The following TSC22D2 variants were observed in gnomAD, a reference collection of about 807,000 sequenced individuals.
TSC22D2 encodes TSC22 domain family member 2, also known as TSC22 domain family protein 2.
A neutral mutation model predicts 50.1 loss-of-function variants in TSC22D2; 5 were observed. That is an observed-to-expected ratio of 0.10 (90% CI 0.05 to 0.21). TSC22D2 has a LOEUF of 0.21. Ranked by LOEUF, TSC22D2 falls within the 10% of genes least tolerant of loss-of-function variation. The pLI, the probability that TSC22D2 is intolerant of heterozygous loss-of-function variation, is 1.00. For missense variants in TSC22D2, 1,003 were observed against 1,015.5 expected (o/e 0.99, Z 0.17); for synonymous variants, 501 against 450.1 (o/e 1.11, Z -1.43).
intron 1 of TSC22D2, among the ~76,000 whole-genome samples, chr3:150,448,486 AAAC>A (rs969931787): frequency 6.6e-5 from 10 of 152,108 alleles, no homozygotes; most frequent in African/African-American, 2.2e-4. Flanking sequence ...ATCTCTATAA[AAAC>A]AACAACTAGC....
Position 150,408,971 on chromosome 3 carries a change from G to C in TSC22D2, c.-380G>C, listed in dbSNP as rs1173477760. On this transcript the variant is annotated 5_prime_UTR_variant, in exon 1 of 3. Coordinates refer to ENST00000688009, the MANE Select transcript of TSC22D2 (RefSeq NM_001303264.2). ...CCAGCCAAGGCCTGCTGACCGCGCC[G>C]AGCGCCGAGCTGGACTGACCACGGC... 1 of 168,750 alleles carries C rather than the reference G, an allele frequency of 5.9e-6. No individual in the cohort carries two copies. Among genetic ancestry groups the C allele is most frequent in the Non-Finnish European group, 1.3e-5 (1 of 78,144 alleles). The allele number at this position is 168,750 out of a possible 1,614,324, so 10.5% of individuals were successfully genotyped here. A position where few individuals can be genotyped will look rare whatever the true frequency, so the allele number is the denominator to read the frequency against.
intron 1 of TSC22D2, among the ~76,000 whole-genome samples, chr3:150,437,420 A>G (rs1488841544): frequency 1.3e-5 from 2 of 152,154 alleles, no homozygotes; most frequent in Non-Finnish European, 2.9e-5. Context: ...GTAGAGACAG[A>G]TGAAGATTTA....
intron 1 of TSC22D2, among the ~76,000 whole-genome samples, chr3:150,428,334 C>T (rs2108076159): frequency 6.6e-6 from 1 of 152,050 alleles, no homozygotes; most frequent in East Asian, 1.9e-4. Flanking sequence ...GGGGCAGGCC[C>T]AGGGTAGGAG....
chr3:150,458,231 C>CA, intron 2 of TSC22D2, 145 bp from the exon 3 acceptor site: 1 of 842,646 alleles, frequency 1.2e-6, no homozygotes, highest in Non-Finnish European at 1.8e-6. Flanking sequence ...ACCCATCTTC[C>CA]ATAGGCTCGG....
chr3:150,462,339 G>A lies in TSC22D2; in HGVS notation c.*3703G>A, dbSNP rs1468493702. On this transcript the variant is annotated 3_prime_UTR_variant, in exon 3 of 3. Coordinates refer to ENST00000688009, the MANE Select transcript of TSC22D2 (RefSeq NM_001303264.2). ...TAGTATTTTGGCATCTATTCAGAAA[G>A]CAAGAATGATTTATTGAATGGTTTT... 1 of 152,200 alleles carries A rather than the reference G, an allele frequency of 6.6e-6. No homozygotes were observed. The highest frequency in any genetic ancestry group is 1.9e-4 in the East Asian group (1 of 5,196). 9.4% of individuals were successfully genotyped at this position (152,200 alleles called of 1,614,324 possible).
At chr3:150,457,729 A>C (rs1576560755) in intron 2 of TSC22D2, among the ~76,000 whole-genome samples, 1 of 152,162 alleles carries the variant, frequency 6.6e-6, no homozygotes, top group Non-Finnish European at 1.5e-5. Context: ...TCCACCTCCC[A>C]GGTTCAAGTG....
At chr3:150,432,024 T>C (rs1386451113) in intron 1 of TSC22D2, among the ~76,000 whole-genome samples, 1 of 152,200 alleles carries the variant, frequency 6.6e-6, no homozygotes, top group Non-Finnish European at 1.5e-5. Context: ...TTAGGTGGCT[T>C]GTCTGCTGCG....
chr3:150,441,357 T>C (rs915745507), intron 1 of TSC22D2, among the ~76,000 whole-genome samples: 2 of 152,200 alleles, frequency 1.3e-5, no homozygotes, highest in Non-Finnish European at 1.5e-5. Context: ...TGAACTGATA[T>C]TTGATATTTT....
intron 1 of TSC22D2, among the ~76,000 whole-genome samples, chr3:150,456,453 G>A (rs6795124): frequency 0.42 from 63,127 of 151,920 alleles, 13,215 homozygotes; most frequent in Middle Eastern, 0.54. Context: ...CTCCCAAAGT[G>A]CTGGGATTAC....
chr3:150,413,604 AG>A (rs933443665), intron 1 of TSC22D2, among the ~76,000 whole-genome samples: 2 of 150,098 alleles, frequency 1.3e-5, no homozygotes, highest in Non-Finnish European at 3.0e-5. Flanking sequence ...AAAAAAAAAA[AG>A]AACAGGGTAT....
intron 1 of TSC22D2, chr3:150,422,924 A>T (rs2108070888): frequency 1.6e-6 from 1 of 634,928 alleles, no homozygotes; most frequent in Non-Finnish European, 2.6e-6. Flanking sequence ...ATGTGGTTTT[A>T]AAATCTTTTT....
At chr3:150,437,597 C>T (rs535648192) in intron 1 of TSC22D2, among the ~76,000 whole-genome samples, 3 of 150,816 alleles carry the variant, frequency 2.0e-5, no homozygotes, top group Non-Finnish European at 4.4e-5. Context: ...GGTCAGAGAT[C>T]GAGACCATCC....
chr3:150,444,487 A>G (rs1720816563), intron 1 of TSC22D2, among the ~76,000 whole-genome samples: 1 of 152,180 alleles, frequency 6.6e-6, no homozygotes, highest in African/African-American at 2.4e-5. Context: ...AAAATTATGG[A>G]CGAATCAGAG....
intron 1 of TSC22D2, among the ~76,000 whole-genome samples, chr3:150,418,609 G>C (rs1306732984): frequency 6.6e-6 from 1 of 151,736 alleles, no homozygotes; most frequent in South Asian, 2.1e-4. Flanking sequence ...AAGAAGAGAA[G>C]GGGATAGTTT....
intron 1 of TSC22D2, among the ~76,000 whole-genome samples, chr3:150,435,398 C>A (rs1720507324): frequency 6.6e-6 from 1 of 151,930 alleles, no homozygotes; most frequent in South Asian, 2.1e-4. Flanking sequence ...CTTATTTTTT[C>A]AATATATATA....
At chr3:150,434,404 A>C (rs1311200309) in intron 1 of TSC22D2, among the ~76,000 whole-genome samples, 2 of 152,132 alleles carry the variant, frequency 1.3e-5, no homozygotes, top group African/African-American at 2.4e-5. Flanking sequence ...TGACCTCTCA[A>C]AGTTCTGGGA....
chr3:150,425,396 A>G (rs1720147534), intron 1 of TSC22D2, among the ~76,000 whole-genome samples: 1 of 152,136 alleles, frequency 6.6e-6, no homozygotes. Context: ...ATGGTGGCAC[A>G]TGCCAGCTAC....
chr3:150,431,974 T>TA (rs1720396649), intron 1 of TSC22D2, among the ~76,000 whole-genome samples: 1 of 152,242 alleles, frequency 6.6e-6, no homozygotes, highest in Admixed American at 6.5e-5. Flanking sequence ...CTATCCTGTA[T>TA]ATACTGTTGT....
At chr3:150,437,298 G>A (rs987889645) in intron 1 of TSC22D2, among the ~76,000 whole-genome samples, 1 of 152,020 alleles carries the variant, frequency 6.6e-6, no homozygotes, top group South Asian at 2.1e-4. Context: ...CCCATATACA[G>A]GTGAGCAATA....
Sources: allele counts gnomAD v4.1 joint callset (sites outside exome capture counted in the v4.1 genomes callset), GRCh38; gene constraint gnomAD v4.1.1; transcripts MANE v1.5; gene names NCBI Gene and HGNC (gene_info 2026-07-23, HGNC 2026-07-21).